PSORS1C1: variants seen among roughly 807,000 people sequenced by gnomAD.
PSORS1C1 encodes psoriasis susceptibility 1 candidate 1, also known as psoriasis susceptibility 1 candidate gene 1 protein.
PSORS1C1 carries 7 observed loss-of-function variants against 9.4 expected under a neutral mutation model. The observed-to-expected ratio is 0.75, with a 90% CI of 0.42 to 1.40. PSORS1C1 has a LOEUF of 1.40. PSORS1C1 is among the 40% of genes most tolerant of loss of function. The pLI is 0.01. For synonymous variants in PSORS1C1, 63 were observed against 69.4 expected (o/e 0.91, Z 0.46); for missense variants, 146 against 178.1 (o/e 0.82, Z 1.02).
intron 1 of PSORS1C1, chr6:31,116,135 T>C: frequency 6.2e-7 from 1 of 1,610,878 alleles, no homozygotes; most frequent in Non-Finnish European, 8.5e-7. Context: ...CGGCAGGGGA[T>C]CTTTCCAGCA....
chr6:31,116,842 T>TCCA (rs772694589), intron 1 of PSORS1C1: 32 of 1,608,016 alleles, frequency 2.0e-5, no homozygotes, highest in African/African-American at 2.7e-5. Context: ...ACCGTGCTGG[T>TCCA]CCACCACCAC....
chr6:31,124,116 A>G (rs1325257666), intron 1 of PSORS1C1, among the ~76,000 whole-genome samples: 5 of 152,312 alleles, frequency 3.3e-5, no homozygotes, highest in Admixed American at 3.3e-4. Flanking sequence ...CACCAGGTTA[A>G]AAGAATTTGG....
At chr6:31,133,452 C>G (rs557076620) in intron 3 of PSORS1C1, 30 of 152,320 alleles carry the variant, frequency 2.0e-4, no homozygotes, top group African/African-American at 7.0e-4. Context: ...GCCACGAGAG[C>G]TCATCACCTG....
At chr6:31,124,974 A>AT (rs1195499995) in intron 1 of PSORS1C1, among the ~76,000 whole-genome samples, 1 of 151,270 alleles carries the variant, frequency 6.6e-6, no homozygotes, top group Admixed American at 6.6e-5. Flanking sequence ...TCTCAAAAAA[A>AT]AAAAGTGAAG....
intron 3 of PSORS1C1, among the ~76,000 whole-genome samples, chr6:31,131,597 C>CAAAA (rs9281219): frequency 1.7e-3 from 130 of 78,176 alleles, no homozygotes; most frequent in African/African-American, 2.3e-3. Flanking sequence ...GACTCCGTCT[C>CAAAA]AAAAAAAAAA....
intron 1 of PSORS1C1, among the ~76,000 whole-genome samples, chr6:31,123,445 C>G (rs917069797): frequency 2.6e-5 from 4 of 152,254 alleles, no homozygotes; most frequent in Admixed American, 1.3e-4. Flanking sequence ...AGTGCCCACA[C>G]AGGCCAGGGT....
chr6:31,115,393 T>G lies in PSORS1C1; in HGVS notation c.-229+502T>G. Reference sequence around the variant, plus strand: ...GGAATCATCTGAGCACTGAGGGAAGTGGCCACAGGAAGGGGCTGAGATAAG... The same window carrying G: ...GGAATCATCTGAGCACTGAGGGAAGGGGCCACAGGAAGGGGCTGAGATAAG... On this transcript the variant is annotated intron_variant, in intron 1 of 5. Coordinates refer to ENST00000259881, the MANE Select transcript of PSORS1C1 (RefSeq NM_014068.3). The surrounding 1 kb of genome is among the most constrained non-coding windows in gnomAD (Gnocchi z 4.2). The G allele has an allele frequency of 5.8e-6, 1 of 171,168 alleles. No homozygotes were observed. The highest frequency in any genetic ancestry group is 1.3e-5 in the Non-Finnish European group (1 of 79,070). 10.6% of individuals were successfully genotyped at this position (171,168 alleles called of 1,614,324 possible).
At chr6:31,130,170 G>C (rs1210426610) in intron 3 of PSORS1C1, among the ~76,000 whole-genome samples, 1 of 151,892 alleles carries the variant, frequency 6.6e-6, no homozygotes, top group Non-Finnish European at 1.5e-5. Context: ...GGGTCAGTTT[G>C]AGGGGTCCAG....
rs1437598150 is a variant in PSORS1C1 at position 31,139,464 on chromosome 6, G to A, written c.168-177G>A. On this transcript the variant is annotated intron_variant, in intron 5 of 5. Transcript: ENST00000259881. The surrounding 1 kb of genome is among the most constrained non-coding windows in gnomAD (Gnocchi z 5.2). ...CAGGGTTGGGAGGCAGGATGCCTGCGCTGAGGGAGGAGGTGCTTTTCAAAC... is the reference window on the plus strand; with the variant it reads ...CAGGGTTGGGAGGCAGGATGCCTGCACTGAGGGAGGAGGTGCTTTTCAAAC... 6.5e-6 allele frequency: 4 copies of A among 619,978 alleles called. No individual in the cohort carries two copies. Among genetic ancestry groups the A allele is most frequent in the East Asian group, 2.7e-5 (1 of 36,396 alleles). The allele number at this position is 619,978 out of a possible 1,614,324, so 38.4% of individuals were successfully genotyped here.
chr6:31,129,191 C>T (rs1772803983), intron 2 of PSORS1C1, among the ~76,000 whole-genome samples: 1 of 151,942 alleles, frequency 6.6e-6, no homozygotes, highest in Admixed American at 6.6e-5. Context: ...TTTCATTGGC[C>T]AAGCATTTAA....
intron 3 of PSORS1C1, 94 bp from the exon 4 acceptor site, chr6:31,138,336 G>T (rs1320886029): frequency 6.2e-7 from 1 of 1,607,962 alleles, no homozygotes; most frequent in African/African-American, 1.3e-5. Context: ...AAGGTAAGAG[G>T]TGGTGAGGGC....
intron 1 of PSORS1C1, among the ~76,000 whole-genome samples, chr6:31,121,458 G>A (rs1173264508): frequency 6.6e-6 from 1 of 152,212 alleles, no homozygotes; most frequent in Admixed American, 6.5e-5. Context: ...GATGAAAGGA[G>A]GCCAGGAGAA....
intron 3 of PSORS1C1, among the ~76,000 whole-genome samples, chr6:31,134,596 C>T (rs111243857): frequency 0.088 from 13,360 of 151,938 alleles, 700 homozygotes; most frequent in Middle Eastern, 0.16. Flanking sequence ...TGAGCCACCG[C>T]GCCTGGCCTC....
At chr6:31,116,125 C>A in intron 1 of PSORS1C1, 1 of 1,610,518 alleles carries the variant, frequency 6.2e-7, no homozygotes, top group Non-Finnish European at 8.5e-7. Context: ...CCGGATGGAG[C>A]GGCAGGGGAT....
intron 1 of PSORS1C1, among the ~76,000 whole-genome samples, chr6:31,119,099 C>T (rs1772324704): frequency 6.6e-6 from 1 of 151,938 alleles, no homozygotes; most frequent in Admixed American, 6.6e-5. Flanking sequence ...CTGCCTTGGC[C>T]TCCTGAAATG....
chr6:31,129,526 T>C, intron 2 of PSORS1C1, 43 bp from the exon 3 acceptor site: 1 of 760,336 alleles, frequency 1.3e-6, no homozygotes, highest in Non-Finnish European at 2.4e-6. Flanking sequence ...AATTGCCTCA[T>C]GCCTCCCCCT....
In PSORS1C1 at chr6:31,115,727, T is replaced by G; in HGVS notation, c.-229+836T>G. ...TACTCAATGGACCATTTCCACACAG[T>G]AGAGGGAATTGTAAGGGGTGGTGAT... On this transcript the variant is annotated intron_variant, in intron 1 of 5. Transcript: ENST00000259881. The surrounding 1 kb of genome is among the most constrained non-coding windows in gnomAD (Gnocchi z 4.2). 1 of 481,244 alleles carries G rather than the reference T, an allele frequency of 2.1e-6. No homozygotes were observed. The highest frequency in any genetic ancestry group is 3.7e-6 in the Non-Finnish European group (1 of 270,524). 29.8% of individuals were successfully genotyped at this position (481,244 alleles called of 1,614,324 possible). A position where few individuals can be genotyped will look rare whatever the true frequency, so the allele number is the denominator to read the frequency against.
In PSORS1C1 at chr6:31,139,419, G is replaced by A. The variant is rs1044440330; in HGVS notation, c.168-222G>A. On this transcript the variant is annotated intron_variant, in intron 5 of 5. Transcript: ENST00000259881. This position sits in a 1 kb window ranked among gnomAD's most constrained non-coding sequence, Gnocchi z 5.2. ...AATGGGAGCAAACCACGCGATGGGC[G>A]TTGGGAAGCACCGTAATTACAGGGT... The A allele has an allele frequency of 1.7e-5, 10 of 597,946 alleles. No homozygotes were observed. The highest frequency in any genetic ancestry group is 4.1e-5 in the South Asian group (2 of 48,950). The allele number at this position is 597,946 out of a possible 1,614,324, so 37.0% of individuals were successfully genotyped here. A position where few individuals can be genotyped will look rare whatever the true frequency, so the allele number is the denominator to read the frequency against.
intron 1 of PSORS1C1, among the ~76,000 whole-genome samples, chr6:31,123,423 G>A (rs1177348237): frequency 6.6e-6 from 1 of 152,244 alleles, no homozygotes; most frequent in African/African-American, 2.4e-5. Context: ...GGGAAGAAAA[G>A]GGCATCAGCT....
Sources: gnomAD v4.1 joint callset for allele counts (sites outside exome capture counted in the v4.1 genomes callset) on GRCh38, gnomAD v4.1.1 for gene constraint, Gnocchi (gnomAD v3.1) non-coding constraint, MANE v1.5 for transcripts, NCBI Gene and HGNC (gene_info 2026-07-23, HGNC 2026-07-21) for gene names.